IL20: variants seen among roughly 807,000 people sequenced by gnomAD.
The protein encoded by IL20 is interleukin 20.
In IL20, 22 loss-of-function variants were observed where a neutral mutation model predicts 19.2. The ratio of observed to expected loss-of-function variants is 1.15; its 90% CI spans 0.82 to 1.64. IL20 has a LOEUF of 1.64. Ranked by LOEUF, IL20 falls within the 40% of genes most tolerant of loss-of-function variation. The pLI is 0.00. For missense variants in IL20, 215 were observed against 212.8 expected (o/e 1.01, Z -0.06); for synonymous variants, 70 against 76.2 (o/e 0.92, Z 0.43).
chr1:206,865,749 C>A lies in IL20; in HGVS notation c.-31+63C>A. 2 of 1,521,416 alleles carry A rather than the reference C, an allele frequency of 1.3e-6. No individual in the cohort carries two copies. Among genetic ancestry groups the A allele is most frequent in the South Asian group, 2.6e-5 (2 of 77,420 alleles). 94.2% of individuals were successfully genotyped at this position (1,521,416 alleles called of 1,614,324 possible). The stretch of plus-strand genomic sequence containing the variant: ...ATAAGGCTGTTCTCTTCCCCTGACC[C>A]CCCACCCCTCACCCCGTGGACACTT... On this transcript the variant is annotated intron_variant, in intron 1 of 5. Transcript: ENST00000367098. This position sits in a 1 kb window ranked among gnomAD's most constrained non-coding sequence, Gnocchi z 4.1.
upstream of IL20, among the ~76,000 whole-genome samples, chr1:206,864,593 G>A (rs560683262): frequency 5.9e-5 from 9 of 151,316 alleles, no homozygotes; most frequent in Admixed American, 2.6e-4. Context: ...TACTGTCCTG[G>A]TTTTAAGGGA....
chr1:206,868,457 G>T (rs753924590), intron 5 of IL20, 30 bp from the exon 6 acceptor site: 26 of 1,545,528 alleles, frequency 1.7e-5, no homozygotes, highest in Non-Finnish European at 2.2e-5. Context: ...CTCATGAATT[G>T]CTAACCACAT....
chr1:206,866,024 G>T lies in IL20; in HGVS notation c.159+13G>T. 6.2e-7 allele frequency: 1 copy of T among 1,611,244 alleles called. No homozygotes were observed. Among genetic ancestry groups the T allele is most frequent in the Non-Finnish European group, 8.5e-7 (1 of 1,177,414 alleles). ...ACGGGGCAGTGTGGTACGTAAGCGG[G>T]TATCTACCTCTCCTGAAAGCCTTTT... On this transcript the variant is annotated intron_variant, in intron 2 of 5. Transcript: ENST00000367098.
At position 206,865,739 on chromosome 1, in the gene IL20, T is replaced by C; in HGVS notation, c.-31+53T>C. The C allele has an allele frequency of 6.7e-7, 1 of 1,489,456 alleles. No individual in the cohort carries two copies. The highest frequency in any genetic ancestry group is 1.8e-4 in the Middle Eastern group (1 of 5,548). The allele number at this position is 1,489,456 out of a possible 1,614,324, so 92.3% of individuals were successfully genotyped here. Reference sequence around the variant, plus strand: ...CTGAGGCCAGATAAGGCTGTTCTCTTCCCCTGACCCCCCACCCCTCACCCC... The same window carrying C: ...CTGAGGCCAGATAAGGCTGTTCTCTCCCCCTGACCCCCCACCCCTCACCCC... On this transcript the variant is annotated intron_variant, in intron 1 of 5. Transcript: ENST00000367098. This position sits in a 1 kb window ranked among gnomAD's most constrained non-coding sequence, Gnocchi z 4.1.
Position 206,866,019 on chromosome 1 carries a change from A to G in IL20, c.159+8A>G. ...GAGATACGGGGCAGTGTGGTACGTA[A>G]GCGGGTATCTACCTCTCCTGAAAGC... On this transcript the variant is annotated splice_region_variant and intron_variant, in intron 2 of 5. Coordinates refer to ENST00000367098, the MANE Select transcript of IL20 (RefSeq NM_018724.4). 5 of 1,613,016 alleles carry G rather than the reference A, an allele frequency of 3.1e-6. No individual in the cohort carries two copies. The highest frequency in any genetic ancestry group is 4.2e-6 in the Non-Finnish European group (5 of 1,178,964).
chr1:206,866,315 A>C lies in IL20; in HGVS notation c.176A>C (p.Asn59Thr). Residue 59 changes from asparagine to threonine, a missense_variant, in exon 3 of 6, where the codon AAC becomes ACC. Physicochemically the swap from Asn to Thr is moderately conservative, Grantham distance 65. Transcript: ENST00000367098. Reference protein sequence around the residue: ...IRGSVQAKDGNIDIRILRRTE... With the variant: ...IRGSVQAKDGTIDIRILRRTE... Reference sequence around the variant, plus strand: ...TCTGTTTAGCAAGCCAAAGATGGAAACATTGACATCAGAATCTTAAGGAGG... The same window carrying C: ...TCTGTTTAGCAAGCCAAAGATGGAACCATTGACATCAGAATCTTAAGGAGG... 1 of 1,614,142 alleles carries C rather than the reference A, an allele frequency of 6.2e-7. No homozygotes were observed. Among genetic ancestry groups the C allele is most frequent in the Non-Finnish European group, 8.5e-7 (1 of 1,179,988 alleles).
intron 4 of IL20, among the ~76,000 whole-genome samples, chr1:206,867,031 C>CTT (rs35155146): frequency 3.9e-4 from 52 of 134,254 alleles, no homozygotes; most frequent in South Asian, 9.8e-4. Flanking sequence ...GAATTCAATT[C>CTT]TTTTTTTTTT....
Position 206,865,803 on chromosome 1 carries a change from T to G in IL20, c.-30-20T>G. The G allele has an allele frequency of 6.2e-7, 1 of 1,604,242 alleles. No homozygotes were observed. The highest frequency in any genetic ancestry group is 8.5e-7 in the Non-Finnish European group (1 of 1,174,478). ...GGAGGGGAAACTCAGTAAGTCATGC[T>G]CTCTTCTTTGAATTCCTAGCTCCTG... On this transcript the variant is annotated intron_variant, in intron 1 of 5. Coordinates refer to ENST00000367098, the MANE Select transcript of IL20 (RefSeq NM_018724.4). This position sits in a 1 kb window ranked among gnomAD's most constrained non-coding sequence, Gnocchi z 4.1.
chr1:206,865,763 C>T lies in IL20; in HGVS notation c.-30-60C>T. The T allele has an allele frequency of 1.3e-6, 2 of 1,553,256 alleles. No individual in the cohort carries two copies. The highest frequency in any genetic ancestry group is 1.7e-6 in the Non-Finnish European group (2 of 1,147,158). On this transcript the variant is annotated intron_variant, in intron 1 of 5. Transcript: ENST00000367098. The surrounding 1 kb of genome is among the most constrained non-coding windows in gnomAD (Gnocchi z 4.1). ...TTCCCCTGACCCCCCACCCCTCACC[C>T]CGTGGACACTTGGAGGAGGGGAAAC...
At chr1:206,864,722 C>T (rs1406742137), upstream of IL20, among the ~76,000 whole-genome samples, 1 of 152,120 alleles carries the variant, frequency 6.6e-6, no homozygotes, top group Admixed American at 6.5e-5. Context: ...TTCAATATGG[C>T]TCAGCATGGC....
intron 5 of IL20, among the ~76,000 whole-genome samples, chr1:206,867,782 A>G (rs1049985930): frequency 1.3e-5 from 2 of 152,134 alleles, no homozygotes; most frequent in Non-Finnish European, 2.9e-5. Context: ...CTTTGAAAAC[A>G]CTCACAATTT....
chr1:206,866,208 C>A, intron 2 of IL20, 91 bp from the exon 3 acceptor site: 1 of 1,327,454 alleles, frequency 7.5e-7, no homozygotes, highest in Non-Finnish European at 1.1e-6. Context: ...CCCACTAGTT[C>A]TTGGCAGGGA....
rs904946980 is a variant in IL20 at position 206,866,786 on chromosome 1, T to A, written c.378+150T>A. ...TGTGTTGAGACATGTGACTAGGTAA[T>A]AAGAACTCAGTTTTATTGACTTTTC... On this transcript the variant is annotated intron_variant, in intron 4 of 5. Coordinates refer to ENST00000367098, the MANE Select transcript of IL20 (RefSeq NM_018724.4). The A allele has an allele frequency of 3.6e-6, 3 of 826,842 alleles. No individual in the cohort carries two copies. The South Asian group carries it at 5.2e-5, about 14-fold the overall frequency. 51.2% of individuals were successfully genotyped at this position (826,842 alleles called of 1,614,324 possible).
rs1307671781 is a variant in IL20, at chr1:206,865,722, A to G, written c.-31+36A>G. 1.2e-5 allele frequency: 17 copies of G among 1,455,152 alleles called. No homozygotes were observed. The highest frequency in any genetic ancestry group is 1.5e-5 in the Non-Finnish European group (17 of 1,105,246). 90.1% of individuals were successfully genotyped at this position (1,455,152 alleles called of 1,614,324 possible). On this transcript the variant is annotated intron_variant, in intron 1 of 5. Coordinates refer to ENST00000367098, the MANE Select transcript of IL20 (RefSeq NM_018724.4). The surrounding 1 kb of genome is among the most constrained non-coding windows in gnomAD (Gnocchi z 4.1). ...TGGATGGGCCACACTGTCTGAGGCC[A>G]GATAAGGCTGTTCTCTTCCCCTGAC...
intron 4 of IL20, 41 bp downstream of exon 4, chr1:206,866,677 C>T: frequency 6.3e-7 from 1 of 1,589,108 alleles, no homozygotes; most frequent in African/African-American, 1.3e-5. Flanking sequence ...TCTCAGCACA[C>T]AGCTTCAATG....
At chr1:206,865,600 G>C, upstream of IL20, 3 of 1,293,256 alleles carry the variant, frequency 2.3e-6, no homozygotes, top group East Asian at 3.1e-5. This position sits in a 1 kb window ranked among gnomAD's most constrained non-coding sequence, Gnocchi z 4.1. Flanking sequence ...GAATAAAGGA[G>C]CCACGACCTG....
Position 206,866,593 on chromosome 1 carries a change from T to C in IL20, c.335T>C (p.Leu112Pro), listed in dbSNP as rs1417951301. The C allele has an allele frequency of 1.2e-6, 2 of 1,614,060 alleles. No individual in the cohort carries two copies. Among genetic ancestry groups the C allele is most frequent in the Non-Finnish European group, 1.7e-6 (2 of 1,180,008 alleles). Residue 112 changes from leucine to proline, a missense_variant, in exon 4 of 6, where the codon CTC becomes CCC. By Grantham distance (98) the Leu-to-Pro change is moderately conservative. Coordinates refer to ENST00000367098, the MANE Select transcript of IL20 (RefSeq NM_018724.4). ...TATACTCTCCGGAAGATCAGCAGCC[T>C]CGCCAATTCCTTTCTTACCATCAAG... ...DHYTLRKISS[L>P]ANSFLTIKKD...
chr1:206,868,688 G>A lies in IL20; in HGVS notation c.*124G>A, dbSNP rs2232363. On this transcript the variant is annotated 3_prime_UTR_variant, in exon 6 of 6. Coordinates refer to ENST00000367098, the MANE Select transcript of IL20 (RefSeq NM_018724.4). Reference sequence around the variant, plus strand: ...GTACTAGTCTTGTGCTGGTCACAGTGTATCTTATTTATGCATTACTTGCTT... The same window carrying A: ...GTACTAGTCTTGTGCTGGTCACAGTATATCTTATTTATGCATTACTTGCTT... The A allele has an allele frequency of 0.018, 9,279 of 509,476 alleles. 126 individuals carry two copies. The highest frequency in any genetic ancestry group is 0.024 in the Non-Finnish European group (7,574 of 313,798). 31.6% of individuals were successfully genotyped at this position (509,476 alleles called of 1,614,324 possible). A position where few individuals can be genotyped will look rare whatever the true frequency, so the allele number is the denominator to read the frequency against.
chr1:206,865,616 C>T, upstream of IL20: 1 of 1,316,650 alleles, frequency 7.6e-7, no homozygotes, highest in Non-Finnish European at 9.7e-7. The surrounding 1 kb of genome is among the most constrained non-coding windows in gnomAD (Gnocchi z 4.1). Context: ...ACCTGTGCCA[C>T]CAACTCGCAC....
Sources: allele counts gnomAD v4.1 joint callset (sites outside exome capture counted in the v4.1 genomes callset), GRCh38; gene constraint gnomAD v4.1.1; non-coding constraint Gnocchi (gnomAD v3.1); transcripts MANE v1.5; gene names NCBI Gene and HGNC (gene_info 2026-07-23, HGNC 2026-07-21).